SPAG16: variants seen among roughly 807,000 people sequenced by gnomAD.
SPAG16 encodes sperm associated antigen 16.
In SPAG16, 86 loss-of-function variants were observed where a neutral mutation model predicts 80.4. That is an observed-to-expected ratio of 1.07 (90% CI 0.90 to 1.28). The LOEUF is 1.28. SPAG16 is among the 50% of genes most tolerant of loss of function. The pLI, the probability that SPAG16 is intolerant of heterozygous loss-of-function variation, is 0.00. For synonymous variants in SPAG16, 294 were observed against 265.9 expected (o/e 1.11, Z -1.03); for missense variants, 870 against 765.3 (o/e 1.14, Z -1.61).
intron 11 of SPAG16, among the ~76,000 whole-genome samples, chr2:213,871,085 T>G (rs2075925671): frequency 6.6e-6 from 1 of 152,088 alleles, no homozygotes; most frequent in Non-Finnish European, 1.5e-5. Context: ...CACATACCAT[T>G]CATTATTTCT....
At chr2:214,383,581 A>G (rs866750778) in intron 15 of SPAG16, among the ~76,000 whole-genome samples, 7 of 146,724 alleles carry the variant, frequency 4.8e-5, no homozygotes, top group Non-Finnish European at 1.1e-4. Flanking sequence ...AAAAAAAAAG[A>G]AAAAAGAAAA....
intron 5 of SPAG16, among the ~76,000 whole-genome samples, chr2:213,323,338 G>T (rs1444250146): frequency 2.0e-5 from 3 of 152,150 alleles, no homozygotes; most frequent in African/African-American, 4.8e-5. Context: ...CTACTCGGGA[G>T]GCTGAGGCAG....
chr2:213,551,464 T>C (rs368757317), intron 10 of SPAG16, among the ~76,000 whole-genome samples: 5 of 152,340 alleles, frequency 3.3e-5, no homozygotes, highest in African/African-American at 1.2e-4. Context: ...TAAAATTTAC[T>C]ATCAGTATTA....
chr2:214,188,301 C>G (rs1454669227), intron 15 of SPAG16, among the ~76,000 whole-genome samples: 1 of 152,130 alleles, frequency 6.6e-6, no homozygotes, highest in Admixed American at 6.6e-5. Flanking sequence ...TTATTGCATA[C>G]AGTCTCTCAA....
At chr2:213,724,794 AAAAAAAAGAAAAAAG>A in intron 10 of SPAG16, among the ~76,000 whole-genome samples, 1 of 130,410 alleles carries the variant, frequency 7.7e-6, no homozygotes, top group African/African-American at 3.4e-5. Context: ...AAAAAAAAAA[AAAAAAAAGAAAAAAG>A]GATAAACTAA....
intron 15 of SPAG16, among the ~76,000 whole-genome samples, chr2:214,266,732 T>A (rs1401728107): frequency 6.6e-6 from 1 of 151,456 alleles, no homozygotes; most frequent in Non-Finnish European, 1.5e-5. Context: ...ATAAACAAAT[T>A]TGGTAAAGTT....
chr2:213,604,415 T>C (rs2061181984), intron 10 of SPAG16, among the ~76,000 whole-genome samples: 2 of 152,160 alleles, frequency 1.3e-5, no homozygotes, highest in South Asian at 4.1e-4. Context: ...CATGTATATT[T>C]TTTACTTTTG....
At chr2:213,333,386 A>T (rs1366454376) in intron 5 of SPAG16, among the ~76,000 whole-genome samples, 1 of 152,172 alleles carries the variant, frequency 6.6e-6, no homozygotes, top group African/African-American at 2.4e-5. Flanking sequence ...TTACATGTTT[A>T]TGGGTTCTAA....
At chr2:214,094,151 A>C (rs955441632) in intron 13 of SPAG16, among the ~76,000 whole-genome samples, 3 of 152,124 alleles carry the variant, frequency 2.0e-5, no homozygotes, top group African/African-American at 7.2e-5. Flanking sequence ...TGGTAGCTTG[A>C]AATTGTCCAC....
chr2:214,014,366 C>T (rs1202994044), intron 13 of SPAG16, among the ~76,000 whole-genome samples: 1 of 152,182 alleles, frequency 6.6e-6, no homozygotes, highest in Non-Finnish European at 1.5e-5. Context: ...GAAATACACA[C>T]TGTGCCCCCT....
At chr2:214,037,940 C>A (rs1280362779) in intron 13 of SPAG16, among the ~76,000 whole-genome samples, 1 of 145,018 alleles carries the variant, frequency 6.9e-6, no homozygotes, top group Non-Finnish European at 1.5e-5. Context: ...TTTAGCCTTT[C>A]TGAATTATTT....
intron 10 of SPAG16, among the ~76,000 whole-genome samples, chr2:213,771,657 A>C (rs2069256757): frequency 6.6e-6 from 1 of 152,192 alleles, no homozygotes; most frequent in Admixed American, 6.5e-5. Flanking sequence ...GTCCAGTTTC[A>C]ATTTTCTGTA....
At chr2:213,555,997 T>A (rs891805464) in intron 10 of SPAG16, among the ~76,000 whole-genome samples, 4 of 152,176 alleles carry the variant, frequency 2.6e-5, no homozygotes, top group African/African-American at 9.7e-5. Context: ...TCAAAGTTTT[T>A]GTCTGCTTAA....
At chr2:214,018,056 T>C (rs2047677745) in intron 13 of SPAG16, among the ~76,000 whole-genome samples, 1 of 152,080 alleles carries the variant, frequency 6.6e-6, no homozygotes, top group Admixed American at 6.6e-5. Context: ...TTGATAGCTA[T>C]GTACTGTAAA....
intron 10 of SPAG16, among the ~76,000 whole-genome samples, chr2:213,659,069 C>T (rs1360277444): frequency 6.6e-6 from 1 of 152,114 alleles, no homozygotes; most frequent in Non-Finnish European, 1.5e-5. Flanking sequence ...AATAGCCACT[C>T]TGTTGTGTAA....
chr2:213,459,463 G>T (rs1479095750), intron 9 of SPAG16, among the ~76,000 whole-genome samples: 1 of 152,210 alleles, frequency 6.6e-6, no homozygotes, highest in African/African-American at 2.4e-5. Flanking sequence ...TCCAATGGGT[G>T]ATTGAGATGA....
intron 11 of SPAG16, among the ~76,000 whole-genome samples, chr2:213,887,661 A>G (rs1360912645): frequency 6.6e-6 from 1 of 151,594 alleles, no homozygotes; most frequent in Non-Finnish European, 1.5e-5. Flanking sequence ...TTAGCAAAAT[A>G]TTGTAAAATA....
chr2:213,936,986 G>A (rs2079016824), intron 12 of SPAG16, among the ~76,000 whole-genome samples: 1 of 152,112 alleles, frequency 6.6e-6, no homozygotes, highest in Admixed American at 6.6e-5. Flanking sequence ...GAAATGTTAA[G>A]ATTGTTATGA....
intron 15 of SPAG16, among the ~76,000 whole-genome samples, chr2:214,327,991 C>T (rs1011342383): frequency 3.3e-5 from 5 of 152,000 alleles, no homozygotes; most frequent in African/African-American, 1.2e-4. Context: ...TCAATTAATT[C>T]TGTTTCATCT....
Sources: gnomAD v4.1 joint callset for allele counts (sites outside exome capture counted in the v4.1 genomes callset) on GRCh38, gnomAD v4.1.1 for gene constraint, MANE v1.5 for transcripts, NCBI Gene and HGNC (gene_info 2026-07-23, HGNC 2026-07-21) for gene names.